The following ATF7IP2 variants were observed in gnomAD, a reference collection of about 807,000 sequenced individuals.
ATF7IP2 encodes the protein activating transcription factor 7 interacting protein 2.
In ATF7IP2, 42 loss-of-function variants were observed where a neutral mutation model predicts 64.2. That is an observed-to-expected ratio of 0.65 (90% CI 0.51 to 0.85). The LOEUF is 0.85. ATF7IP2 is among the 40% of genes least tolerant of loss of function. The probability of loss-of-function intolerance (pLI) is 0.00; values close to 1 mark genes in which losing one functional copy is unlikely to be tolerated. For synonymous variants in ATF7IP2, 308 were observed against 272.8 expected (o/e 1.13, Z -1.27); for missense variants, 933 against 784.2 (o/e 1.19, Z -2.27).
At position 10,440,418 on chromosome 16, in the gene ATF7IP2, A is replaced by T; in HGVS notation, c.1150A>T (p.Asn384Tyr). The change falls in exon 8 of 14, where the codon AAT (asparagine) becomes TAT (tyrosine). Residue 384 changes from asparagine (N) to tyrosine (Y), a missense_variant. Transcript: ENST00000562102. ...TAAAACAGTATTATTATTTCAAAGGAATTGTTTGAAACCAAACATGTTATC... is the reference window on the plus strand; with the variant it reads ...TAAAACAGTATTATTATTTCAAAGGTATTGTTTGAAACCAAACATGTTATC... ...RIKTVLLFQRNCLKPNMLSSN... is the reference protein window; with the variant it reads ...RIKTVLLFQRYCLKPNMLSSN... 1 of 1,568,704 alleles carries T rather than the reference A, an allele frequency of 6.4e-7. No homozygotes were observed. The highest frequency in any genetic ancestry group is 1.2e-5 in the South Asian group (1 of 83,420).
intron 9 of ATF7IP2, among the ~76,000 whole-genome samples, chr16:10,468,303 T>A (rs1001572211): frequency 6.6e-6 from 1 of 152,232 alleles, no homozygotes; most frequent in Non-Finnish European, 1.5e-5. Context: ...TTTGTGTTTT[T>A]TTAAATCTGC....
chr16:10,433,397 A>T, intron 5 of ATF7IP2, 128 bp from the exon 6 acceptor site: 1 of 755,364 alleles, frequency 1.3e-6, no homozygotes, highest in East Asian at 2.9e-5. Context: ...CTGGTCTTGA[A>T]CTCCTGGCCT....
At chr16:10,418,069 C>T (rs1441650120) in intron 2 of ATF7IP2, among the ~76,000 whole-genome samples, 1 of 152,200 alleles carries the variant, frequency 6.6e-6, no homozygotes, top group Non-Finnish European at 1.5e-5. Flanking sequence ...AAGCCACAAA[C>T]AGAGTTTTAC....
intron 8 of ATF7IP2, chr16:10,446,372 TTTTGA>T (rs2048805502): frequency 6.6e-6 from 1 of 152,232 alleles, no homozygotes; most frequent in East Asian, 1.9e-4. Flanking sequence ...CCTTCCTGCC[TTTTGA>T]TTTAAGATGG....
At chr16:10,402,018 G>A (rs902695659) in intron 1 of ATF7IP2, among the ~76,000 whole-genome samples, 1 of 151,994 alleles carries the variant, frequency 6.6e-6, no homozygotes, top group African/African-American at 2.4e-5. Flanking sequence ...GGTGTAGGTA[G>A]TAGTTTTCCA....
At position 10,481,977 on chromosome 16, in the gene ATF7IP2, G is replaced by A. The variant is rs771559608; in HGVS notation, c.1777G>A (p.Ala593Thr). Reference protein sequence around the residue: ...VKRVFRPNGIALTWNITKINP... With the variant: ...VKRVFRPNGITLTWNITKINP... ...ACGGGTTTTCAGACCCAATGGCATT[G>A]CCCTGACTTGGAATATAACCAAAAT... The change falls in exon 14 of 14, where the codon GCC becomes ACC. Residue 593 changes from alanine to threonine, a missense_variant. By Grantham distance (58) the Ala-to-Thr change is moderately conservative (BLOSUM62 0). Transcript: ENST00000562102. 3 of 1,614,030 alleles carry A rather than the reference G, an allele frequency of 1.9e-6. No individual in the cohort carries two copies. Among genetic ancestry groups the A allele is most frequent in the Admixed American group, 3.3e-5 (2 of 59,994 alleles).
intron 1 of ATF7IP2, among the ~76,000 whole-genome samples, chr16:10,401,628 G>A (rs891239948): frequency 1.3e-5 from 2 of 152,048 alleles, no homozygotes; most frequent in Non-Finnish European, 2.9e-5. Context: ...AATGTGTTAG[G>A]AAGAATTCCC....
intron 12 of ATF7IP2, among the ~76,000 whole-genome samples, chr16:10,475,399 A>G (rs1439521102): frequency 6.6e-6 from 1 of 152,200 alleles, no homozygotes; most frequent in Admixed American, 6.5e-5. Flanking sequence ...AATTTTTAAA[A>G]TATCCAAACT....
intron 11 of ATF7IP2, 55 bp from the exon 12 acceptor site, chr16:10,473,868 A>G: frequency 8.6e-7 from 1 of 1,168,376 alleles, no homozygotes; most frequent in Non-Finnish European, 1.2e-6. Flanking sequence ...AAATTTTTAA[A>G]AACATTTTCA....
chr16:10,446,549 T>C (rs1434696775), intron 8 of ATF7IP2: 1 of 152,196 alleles, frequency 6.6e-6, no homozygotes, highest in Admixed American at 6.5e-5. Context: ...TATTAATATG[T>C]TCTATTGAAA....
intron 7 of ATF7IP2, among the ~76,000 whole-genome samples, chr16:10,439,282 T>G (rs1479493818): frequency 6.6e-6 from 1 of 151,964 alleles, no homozygotes; most frequent in East Asian, 2.0e-4. Flanking sequence ...CAGGCTGGAG[T>G]GCAGTGGCGC....
At chr16:10,444,462 G>T (rs1300293769) in intron 8 of ATF7IP2, among the ~76,000 whole-genome samples, 1 of 152,172 alleles carries the variant, frequency 6.6e-6, no homozygotes, top group Non-Finnish European at 1.5e-5. Flanking sequence ...TGATACAGAT[G>T]CACTGGGAAC....
intron 9 of ATF7IP2, among the ~76,000 whole-genome samples, chr16:10,471,581 T>C (rs904851239): frequency 1.3e-5 from 2 of 152,098 alleles, no homozygotes; most frequent in Non-Finnish European, 2.9e-5. Flanking sequence ...GCTTGAAATA[T>C]TCTATAACCG....
intron 8 of ATF7IP2, among the ~76,000 whole-genome samples, chr16:10,455,493 GT>G (rs2049134117): frequency 6.6e-6 from 1 of 152,204 alleles, no homozygotes; most frequent in African/African-American, 2.4e-5. Context: ...CATGCAGTTT[GT>G]GGTAATTTGT....
chr16:10,414,660 T>G (rs2047834612), intron 2 of ATF7IP2, 48 bp downstream of exon 2: 3 of 42,930 alleles, frequency 7.0e-5, no homozygotes, highest in South Asian at 1.2e-3. Context: ...TGTGTGTGTG[T>G]GTTTGGGCGG....
In ATF7IP2 at chr16:10,481,844, G is replaced by C; in HGVS notation, c.1644G>C (p.Glu548Asp). The change falls in exon 14 of 14, where the codon GAG (glutamate) becomes GAC (aspartate). Residue 548 changes from glutamate (E) to aspartate (D), a missense_variant. By Grantham distance (45) the Glu-to-Asp change is conservative. Coordinates refer to ENST00000562102, the MANE Select transcript of ATF7IP2 (RefSeq NM_001393719.1). ...PLAQNAVQVPESFEHLPPLPE... is the reference protein window; with the variant it reads ...PLAQNAVQVPDSFEHLPPLPE... Reference sequence around the variant, plus strand: ...TACAATTGTGTTTTTAGGTTCCTGAGTCCTTTGAGCACCTGCCACCTCTCC... The same window carrying C: ...TACAATTGTGTTTTTAGGTTCCTGACTCCTTTGAGCACCTGCCACCTCTCC... 1 of 1,580,426 alleles carries C rather than the reference G, an allele frequency of 6.3e-7. No individual in the cohort carries two copies. The highest frequency in any genetic ancestry group is 1.2e-5 in the South Asian group (1 of 84,748).
At chr16:10,388,704 A>G (rs181779342) in intron 1 of ATF7IP2, among the ~76,000 whole-genome samples, 9 of 152,330 alleles carry the variant, frequency 5.9e-5, no homozygotes, top group Non-Finnish European at 5.9e-5. Context: ...AAGGCATGTC[A>G]CTGAAGATAT....
intron 8 of ATF7IP2, chr16:10,445,468 G>A (rs2048768887): frequency 6.6e-6 from 1 of 152,070 alleles, no homozygotes; most frequent in Admixed American, 6.6e-5. Flanking sequence ...CCTGGGACAT[G>A]GACAATAGCT....
At chr16:10,444,084 G>A (rs1357005016) in intron 8 of ATF7IP2, among the ~76,000 whole-genome samples, 1 of 152,134 alleles carries the variant, frequency 6.6e-6, no homozygotes, top group African/African-American at 2.4e-5. Flanking sequence ...ACCTGAAGAG[G>A]CTAGTTGCCT....
Sources: gnomAD v4.1 joint callset for allele counts (sites outside exome capture counted in the v4.1 genomes callset) on GRCh38, gnomAD v4.1.1 for gene constraint, MANE v1.5 for transcripts, NCBI Gene and HGNC (gene_info 2026-07-23, HGNC 2026-07-21) for gene names.